Variants in TNS3 observed in about 807,000 individuals in gnomAD.
The protein encoded by TNS3 is tensin 3, also known as tensin-3.
TNS3 carries 45 observed loss-of-function variants against 140.9 expected under a neutral mutation model. The observed-to-expected ratio is 0.32, with a 90% CI of 0.25 to 0.41. The LOEUF (loss-of-function observed/expected upper bound fraction) is 0.41. Ranked by LOEUF, TNS3 falls within the 10% of genes least tolerant of loss-of-function variation. The pLI is 1.00. For missense variants in TNS3, 1,716 were observed against 1,906.7 expected (o/e 0.90, Z 1.86); for synonymous variants, 815 against 788.4 (o/e 1.03, Z -0.56).
chr7:47,373,959 C>A lies in TNS3; in HGVS notation c.1025-4338G>T, dbSNP rs116115147. On this transcript the variant is annotated intron_variant, in intron 16 of 30. Transcript: ENST00000311160. Reference sequence around the variant, plus strand: ...GAGCCGTGCAGCGCTTGGCCACCTGCAACCCAGGTGTCCCCACTCTCTGGG... The same window carrying A: ...GAGCCGTGCAGCGCTTGGCCACCTGAAACCCAGGTGTCCCCACTCTCTGGG... Among the ~76,000 whole-genome samples, 1,105 of 152,316 alleles carry A rather than the reference C, an allele frequency of 7.3e-3. 16 individuals are homozygous for A. The highest frequency in any genetic ancestry group is 0.025 in the African/African-American group (1,049 of 41,574).
chr7:47,360,773 A>G (rs1159397751), intron 17 of TNS3, among the ~76,000 whole-genome samples: 2 of 152,236 alleles, frequency 1.3e-5, no homozygotes, highest in South Asian at 2.1e-4. Flanking sequence ...TCCACCTCAG[A>G]TGCGCACGCT....
chr7:47,466,792 G>A (rs987492122), intron 4 of TNS3, among the ~76,000 whole-genome samples: 2 of 152,234 alleles, frequency 1.3e-5, no homozygotes, highest in African/African-American at 4.8e-5. Flanking sequence ...TTTGGAAAGG[G>A]CACTATGTTA....
At chr7:47,505,382 T>A (rs534095917) in intron 3 of TNS3, among the ~76,000 whole-genome samples, 3 of 152,220 alleles carry the variant, frequency 2.0e-5, no homozygotes, top group Admixed American at 2.0e-4. Context: ...CGGTCAGAAA[T>A]CAGCTACGCC....
At chr7:47,483,008 G>A (rs188042067) in intron 3 of TNS3, among the ~76,000 whole-genome samples, 58 of 152,194 alleles carry the variant, frequency 3.8e-4, no homozygotes, top group Non-Finnish European at 7.2e-4. Context: ...ACGTCATTCT[G>A]CATTTGTCTA....
chr7:47,428,447 G>T (rs1284379106), intron 8 of TNS3, 71 bp from the exon 9 acceptor site: 2 of 1,173,084 alleles, frequency 1.7e-6, no homozygotes, highest in African/African-American at 3.2e-5. Context: ...AACAGGAAAA[G>T]ACTCACTAGT....
At chr7:47,293,049 T>G in intron 25 of TNS3, 144 bp from the exon 26 acceptor site, 3 of 646,052 alleles carry the variant, frequency 4.6e-6, no homozygotes, top group Non-Finnish European at 8.0e-6. Flanking sequence ...AGTGTGCAGC[T>G]TTGTGTAAAA....
intron 1 of TNS3, among the ~76,000 whole-genome samples, chr7:47,565,518 C>CAT (rs1800410915): frequency 6.6e-6 from 1 of 151,992 alleles, no homozygotes; most frequent in Non-Finnish European, 1.5e-5. Context: ...AGGCGCACAC[C>CAT]ATATGCCCAG....
intron 12 of TNS3, among the ~76,000 whole-genome samples, chr7:47,412,994 G>A (rs932844802): frequency 9.2e-5 from 14 of 151,422 alleles, no homozygotes; most frequent in Non-Finnish European, 1.6e-4. Context: ...TCGCTCTGTC[G>A]CCAGGCTGGA....
intron 13 of TNS3, among the ~76,000 whole-genome samples, chr7:47,408,025 C>T (rs945881596): frequency 3.3e-5 from 5 of 152,050 alleles, no homozygotes; most frequent in East Asian, 1.9e-4. Context: ...CAGCAAGAGG[C>T]GGCTGGCGGG....
At chr7:47,409,768 C>T (rs573865692) in intron 13 of TNS3, among the ~76,000 whole-genome samples, 1 of 152,310 alleles carries the variant, frequency 6.6e-6, no homozygotes, top group South Asian at 2.1e-4. Context: ...TGCCATTCTC[C>T]TGCCTCAGCC....
chr7:47,495,740 G>C (rs1422517862), intron 3 of TNS3, among the ~76,000 whole-genome samples: 1 of 152,216 alleles, frequency 6.6e-6, no homozygotes, highest in African/African-American at 2.4e-5. Context: ...CTAGATGCCA[G>C]GGTGGGTGGC....
chr7:47,445,582 T>C (rs1795690160), intron 4 of TNS3, among the ~76,000 whole-genome samples: 1 of 152,126 alleles, frequency 6.6e-6, no homozygotes, highest in East Asian at 1.9e-4. Flanking sequence ...TCTAGCCCCG[T>C]GCCAAAAAGG....
Position 47,487,297 on chromosome 7 carries a change from G to GAA in TNS3, c.-114-6158_-114-6157dup, listed in dbSNP as rs11423288. The stretch of plus-strand genomic sequence containing the variant: ...GACAGAGCAAGACTCCGTCTCAAAA[G>GAA]AAAAAAAAAAAAGAACTGAAGCGAG... On this transcript the variant is annotated intron_variant, in intron 3 of 30. Transcript: ENST00000311160. Among the ~76,000 whole-genome samples, 1,272 of 145,786 alleles carry GAA rather than the reference G, an allele frequency of 8.7e-3. 22 individuals carry two copies. Among genetic ancestry groups the GAA allele is most frequent in the African/African-American group, 0.028 (1,116 of 39,618 alleles).
intron 7 of TNS3, among the ~76,000 whole-genome samples, chr7:47,435,630 T>G (rs1795142641): frequency 6.6e-6 from 1 of 152,210 alleles, no homozygotes; most frequent in Non-Finnish European, 1.5e-5. Context: ...GGGGCTCATC[T>G]GCTCTTCTGC....
At chr7:47,389,531 C>A (rs1229400643) in intron 16 of TNS3, among the ~76,000 whole-genome samples, 1 of 152,204 alleles carries the variant, frequency 6.6e-6, no homozygotes, top group Non-Finnish European at 1.5e-5. Context: ...CTGTCGGATT[C>A]GAAAAGTAAC....
intron 29 of TNS3, 37 bp downstream of exon 29, chr7:47,280,249 G>C: frequency 1.2e-6 from 2 of 1,613,928 alleles, no homozygotes; most frequent in Non-Finnish European, 1.7e-6. Context: ...ATAGAATTAA[G>C]TACACTCCTT....
At chr7:47,529,767 G>C (rs1030507469) in intron 1 of TNS3, among the ~76,000 whole-genome samples, 5 of 152,176 alleles carry the variant, frequency 3.3e-5, no homozygotes, top group Admixed American at 1.3e-4. Context: ...CATGTTTGTA[G>C]AGCCAAGGCT....
intron 15 of TNS3, among the ~76,000 whole-genome samples, chr7:47,397,107 AG>A (rs143279807): frequency 0.013 from 1,944 of 152,262 alleles, 38 homozygotes; most frequent in African/African-American, 0.042. Flanking sequence ...TAAAGCCACG[AG>A]GGGGAAGGGA....
intron 1 of TNS3, among the ~76,000 whole-genome samples, chr7:47,567,255 T>C (rs1800449394): frequency 6.6e-6 from 1 of 152,120 alleles, no homozygotes; most frequent in African/African-American, 2.4e-5. Context: ...ACATGGGAAA[T>C]GCCCAGGAAT....
Sources: gnomAD v4.1 joint callset for allele counts (sites outside exome capture counted in the v4.1 genomes callset) on GRCh38, gnomAD v4.1.1 for gene constraint, MANE v1.5 for transcripts, NCBI Gene and HGNC (gene_info 2026-07-23, HGNC 2026-07-21) for gene names.